The following PDGFD variants were observed in gnomAD, a reference collection of about 807,000 sequenced individuals.
PDGFD encodes platelet-derived growth factor D.
PDGFD carries 30 observed loss-of-function variants against 44.7 expected under a neutral mutation model. That is an observed-to-expected ratio of 0.67 (90% CI 0.50 to 0.91). The LOEUF is 0.91. Ranked by LOEUF, PDGFD falls within the 40% of genes least tolerant of loss-of-function variation. PDGFD has a pLI of 0.00. For synonymous variants in PDGFD, 173 were observed against 168.4 expected, an observed-to-expected ratio of 1.03 and a Z score of -0.21; for missense variants, 445 against 457.8, an observed-to-expected ratio of 0.97 and a Z score of 0.25.
In PDGFD at chr11:104,033,049, GGTGT is replaced by G. The variant is rs34144830; in HGVS notation, c.125-32798_125-32795del. ...GGTATAACAACAGTTTATGTTTAGG[GGTGT>G]GTGTGTGTGTGTGTGTGTGTGTAAT... On this transcript the variant is annotated intron_variant, in intron 1 of 6. Transcript: ENST00000393158. Among the ~76,000 whole-genome samples, 499 of 146,324 alleles carry G rather than the reference GGTGT, an allele frequency of 3.4e-3. 2 individuals are homozygous for G. The highest frequency in any genetic ancestry group is 0.01 in the African/African-American group (410 of 39,968).
chr11:103,914,493 G>A (rs1343672325), intron 6 of PDGFD, among the ~76,000 whole-genome samples: 1 of 152,150 alleles, frequency 6.6e-6, no homozygotes. Context: ...GGACCAGACG[G>A]ATTCACAGCC....
rs11824278 is a variant in PDGFD, at chr11:103,963,622, C to T, written c.511-15898G>A. ...ATACATGGGAAACAAACCAAACAGC[C>T]GATTTGGCATGTGAAATGGGAACAG... On this transcript the variant is annotated intron_variant, in intron 3 of 6. Coordinates refer to ENST00000393158, the MANE Select transcript of PDGFD (RefSeq NM_025208.5). Among the ~76,000 whole-genome samples the T allele has an allele frequency of 8.7e-3, 1,331 of 152,150 alleles. 18 individuals are homozygous for T. Among genetic ancestry groups the T allele is most frequent in the African/African-American group, 0.031 (1,269 of 41,514 alleles).
chr11:104,120,719 C>T (rs1861766686), intron 1 of PDGFD, among the ~76,000 whole-genome samples: 1 of 151,846 alleles, frequency 6.6e-6, no homozygotes, highest in Non-Finnish European at 1.5e-5. Flanking sequence ...GGGGGCCCTC[C>T]ATTCCTCTTG....
At chr11:103,926,823 T>C in intron 6 of PDGFD, 89 bp downstream of exon 6, 2 of 1,357,818 alleles carry the variant, frequency 1.5e-6, no homozygotes, top group Non-Finnish European at 2.0e-6. Flanking sequence ...CCTTGTGCAG[T>C]GAACAACCTG....
chr11:104,159,958 T>A (rs1372101772), intron 1 of PDGFD, among the ~76,000 whole-genome samples: 1 of 152,224 alleles, frequency 6.6e-6, no homozygotes, highest in African/African-American at 2.4e-5. Context: ...TAATCACCAC[T>A]ATGCTTTACA....
chr11:103,910,579 C>CT lies in PDGFD; in HGVS notation c.988-761dup, dbSNP rs1858011773. ...GGTGCACTCTAGTCCAGATACTGCA[C>CT]TTTTCCCATAGTCTTTGCAACTGGC... On this transcript the variant is annotated intron_variant, in intron 6 of 6. Coordinates refer to ENST00000393158, the MANE Select transcript of PDGFD (RefSeq NM_025208.5). 3.3e-5 allele frequency among the ~76,000 whole-genome samples: 5 copies of CT among 152,364 alleles called. No homozygotes were observed. In the South Asian group the frequency reaches 8.3e-4, roughly 25 times the overall value.
intron 1 of PDGFD, among the ~76,000 whole-genome samples, chr11:104,152,846 A>C (rs1159545386): frequency 2.0e-5 from 3 of 152,170 alleles, no homozygotes; most frequent in Non-Finnish European, 4.4e-5. Flanking sequence ...ACCACTGTTC[A>C]TAATAGATAT....
chr11:104,115,919 T>C (rs915610291), intron 1 of PDGFD, among the ~76,000 whole-genome samples: 2 of 152,100 alleles, frequency 1.3e-5, no homozygotes, highest in African/African-American at 4.8e-5. Flanking sequence ...TTTGAGTTTG[T>C]TGTAGATTCT....
At chr11:104,163,728 G>A (rs989821959) in intron 1 of PDGFD, 76 bp downstream of exon 1, 30 of 1,432,312 alleles carry the variant, frequency 2.1e-5, no homozygotes, top group Non-Finnish European at 2.7e-5. Context: ...AAAAGAAAGG[G>A]GAAAAACATA....
intron 1 of PDGFD, among the ~76,000 whole-genome samples, chr11:104,162,802 T>C (rs1055752352): frequency 2.0e-5 from 3 of 152,106 alleles, no homozygotes; most frequent in African/African-American, 7.2e-5. Context: ...CCATCAACAA[T>C]TGCTTGATGG....
In PDGFD at chr11:103,992,897, T is replaced by C. The variant is rs566252882; in HGVS notation, c.510+3168A>G. On this transcript the variant is annotated intron_variant, in intron 3 of 6. Transcript: ENST00000393158. ...CTTGTAGCTTTAGGAAATGTCCAGG[T>C]ACACCTGGAGAGTCACTGAGGCAGG... Among the ~76,000 whole-genome samples, 9 of 152,210 alleles carry C rather than the reference T, an allele frequency of 5.9e-5. No individual in the cohort carries two copies. The South Asian group carries it at 1.2e-3, about 21-fold the overall frequency.
At chr11:103,948,173 T>A (rs1299628164) in intron 3 of PDGFD, among the ~76,000 whole-genome samples, 1 of 152,210 alleles carries the variant, frequency 6.6e-6, no homozygotes, top group Admixed American at 6.5e-5. Context: ...ATAGTTGGTT[T>A]AAACTAGGTT....
At chr11:103,930,166 G>A (rs1400356292) in intron 5 of PDGFD, among the ~76,000 whole-genome samples, 1 of 152,124 alleles carries the variant, frequency 6.6e-6, no homozygotes, top group Non-Finnish European at 1.5e-5. Flanking sequence ...CAGTTTTCTG[G>A]AAAGGCTGGG....
At chr11:103,978,443 T>C (rs557053356) in intron 3 of PDGFD, among the ~76,000 whole-genome samples, 1 of 152,082 alleles carries the variant, frequency 6.6e-6, no homozygotes, top group East Asian at 1.9e-4. Flanking sequence ...TATGGAATTA[T>C]GAAAACAAAT....
At chr11:103,948,747 G>A (rs1355434355) in intron 3 of PDGFD, among the ~76,000 whole-genome samples, 1 of 152,050 alleles carries the variant, frequency 6.6e-6, no homozygotes, top group African/African-American at 2.4e-5. Flanking sequence ...AACATTTTGA[G>A]GAGCTGGAAG....
chr11:104,046,432 C>A lies in PDGFD; in HGVS notation c.125-46177G>T, dbSNP rs144435708. 2.5e-3 allele frequency among the ~76,000 whole-genome samples: 363 copies of A among 147,784 alleles called. 45 individuals carry two copies. The highest frequency in any genetic ancestry group is 4.5e-3 in the Non-Finnish European group (294 of 66,054). The stretch of plus-strand genomic sequence containing the variant: ...ATGGGTAGTTAGAATAAAACAGAAA[C>A]AATGATATTCTCTGTTCACACATTG... On this transcript the variant is annotated intron_variant, in intron 1 of 6. Transcript: ENST00000393158.
intron 1 of PDGFD, among the ~76,000 whole-genome samples, chr11:104,059,177 A>C (rs1196599321): frequency 6.6e-6 from 1 of 152,180 alleles, no homozygotes; most frequent in Non-Finnish European, 1.5e-5. Flanking sequence ...TTTCAATGGC[A>C]AAAAAGAGTA....
intron 1 of PDGFD, among the ~76,000 whole-genome samples, chr11:104,092,695 G>A (rs1861228253): frequency 6.6e-6 from 1 of 152,094 alleles, no homozygotes; most frequent in Non-Finnish European, 1.5e-5. Context: ...TCATAATTTT[G>A]AGAAATATAA....
At chr11:104,068,771 A>AT (rs1860829814) in intron 1 of PDGFD, among the ~76,000 whole-genome samples, 1 of 151,808 alleles carries the variant, frequency 6.6e-6, no homozygotes, top group Non-Finnish European at 1.5e-5. Context: ...CTTTATCAAG[A>AT]TTTTAACATT....
Sources: allele counts gnomAD v4.1 joint callset (sites outside exome capture counted in the v4.1 genomes callset), GRCh38; gene constraint gnomAD v4.1.1; transcripts MANE v1.5; gene names NCBI Gene and HGNC (gene_info 2026-07-23, HGNC 2026-07-21).